COPS7A: variants seen among roughly 807,000 people sequenced by gnomAD.
COPS7A encodes the protein COP9 signalosome complex subunit 7a.
A neutral mutation model predicts 35.2 loss-of-function variants in COPS7A; 20 were observed. That is an observed-to-expected ratio of 0.57 (90% CI 0.40 to 0.83). COPS7A has a LOEUF of 0.83. COPS7A is among the 40% of genes least tolerant of loss of function. The pLI is 0.00. For synonymous variants in COPS7A, 139 were observed against 141.4 expected (o/e 0.98, Z 0.12); for missense variants, 247 against 347.5 (o/e 0.71, Z 2.30).
In COPS7A at chr12:6,724,774, G is replaced by A. The variant is rs145508491; in HGVS notation, c.118G>A (p.Val40Ile). The A allele has an allele frequency of 2.4e-5, 38 of 1,614,094 alleles. No individual in the cohort carries two copies. The highest frequency in any genetic ancestry group is 3.2e-5 in the Non-Finnish European group (38 of 1,180,054). ...CCATCAGGTGCTGGAGGCCCCTGGT[G>A]TCTACGTGTTTGGAGAACTGCTGGA... is the stretch of plus-strand genomic sequence containing the variant. ...LIHQVLEAPG[V>I]YVFGELLDMP... The change falls in exon 2 of 8, where the codon GTC becomes ATC. Residue 40 changes from valine to isoleucine, a missense_variant. Physicochemically the swap from Val to Ile is conservative, Grantham distance 29 (BLOSUM62 3). Coordinates refer to ENST00000543155, the MANE Select transcript of COPS7A (RefSeq NM_001164094.2).
At position 6,724,834 on chromosome 12, in the gene COPS7A, GA is replaced by G; in HGVS notation, c.162+18del. 1 of 1,613,582 alleles carries G rather than the reference GA, an allele frequency of 6.2e-7. No individual in the cohort carries two copies. Among genetic ancestry groups the G allele is most frequent in the South Asian group, 1.1e-5 (1 of 91,046 alleles). Reference sequence around the variant, plus strand: ...TGTTAGAGAGGTGGGTTGCTGGCTTGAATAGCCCTCAGAGAAGCGTGGGCAA... The same window carrying G: ...TGTTAGAGAGGTGGGTTGCTGGCTTGATAGCCCTCAGAGAAGCGTGGGCAA... On this transcript the variant is annotated intron_variant, in intron 2 of 7. Transcript: ENST00000543155.
intron 2 of COPS7A, chr12:6,727,648 A>C: frequency 1.7e-6 from 1 of 578,794 alleles, no homozygotes; most frequent in Non-Finnish European, 3.3e-6. Context: ...CTGAAAACTG[A>C]ATGTCTTCAA....
rs1565468245 is a variant in COPS7A, at chr12:6,729,397, C to A, written c.478C>A (p.Arg160=). The change falls in exon 5 of 8, where the codon CGG becomes AGG. Residue 160 remains arginine, a synonymous_variant. Transcript: ENST00000543155. The surrounding 1 kb of genome is among the most constrained non-coding windows in gnomAD (Gnocchi z 4.2). The part of the protein sequence containing the change: ...QRLEVDYSIG[R]DIQRQDLSAI... ...GCTCGAGGTTGACTACAGCATCGGGCGGGACATCCAGCGCCAGGACCTCAG... is the reference window on the plus strand; with the variant it reads ...GCTCGAGGTTGACTACAGCATCGGGAGGGACATCCAGCGCCAGGACCTCAG... 1 of 1,614,048 alleles carries A rather than the reference C, an allele frequency of 6.2e-7. No individual in the cohort carries two copies. The highest frequency in any genetic ancestry group is 8.5e-7 in the Non-Finnish European group (1 of 1,180,034).
intron 1 of COPS7A, 153 bp from the exon 2 acceptor site, chr12:6,724,459 CTT>C: frequency 2.9e-6 from 2 of 679,056 alleles, no homozygotes; most frequent in Non-Finnish European, 5.2e-6. Flanking sequence ...AAGTGGCTGA[CTT>C]TAGGATTCCT....
At position 6,729,354 on chromosome 12, in the gene COPS7A, G is replaced by GGACCAGCGC. The variant is rs1941335682; in HGVS notation, c.436_444dup (p.Asp146_Arg148dup). On this transcript the variant is annotated inframe_insertion, in exon 5 of 8. Coordinates refer to ENST00000543155, the MANE Select transcript of COPS7A (RefSeq NM_001164094.2). The surrounding 1 kb of genome is among the most constrained non-coding windows in gnomAD (Gnocchi z 4.2). ...ATGCTGACGTGCTTCGTGGCTCCCT[G>GGACCAGCGC]GACCAGCGCAACCAGCGGCTCGAGG... 1 of 1,614,074 alleles carries GGACCAGCGC rather than the reference G, an allele frequency of 6.2e-7. No individual in the cohort carries two copies. The highest frequency in any genetic ancestry group is 1.3e-5 in the African/African-American group (1 of 74,918).
intron 2 of COPS7A, chr12:6,725,810 G>A: frequency 2.2e-6 from 1 of 456,126 alleles, no homozygotes; most frequent in South Asian, 1.5e-5. Flanking sequence ...TAACCTTTTG[G>A]ATCACTCTGT....
intron 2 of COPS7A, among the ~76,000 whole-genome samples, chr12:6,727,494 T>G (rs1011787587): frequency 1.3e-5 from 2 of 151,880 alleles, no homozygotes; most frequent in East Asian, 1.9e-4. Context: ...TGTGCAGCTG[T>G]CAGAGATGAG....
chr12:6,729,005 G>A lies in COPS7A; in HGVS notation c.328-242G>A, dbSNP rs1226365234. On this transcript the variant is annotated intron_variant, in intron 4 of 7. Transcript: ENST00000543155. This position sits in a 1 kb window ranked among gnomAD's most constrained non-coding sequence, Gnocchi z 4.2. ...CATTTTCTCCTTCTGTGGTGTGTCA[G>A]GGGTGAGGGTGTTAGGGGAGCATTT... is the stretch of plus-strand genomic sequence containing the variant. The A allele has an allele frequency of 1.9e-6, 1 of 513,030 alleles. No individual in the cohort carries two copies. Among genetic ancestry groups the A allele is most frequent in the Non-Finnish European group, 3.5e-6 (1 of 282,766 alleles). The allele number at this position is 513,030 out of a possible 1,614,324, so 31.8% of individuals were successfully genotyped here. A position where few individuals can be genotyped will look rare whatever the true frequency, so the allele number is the denominator to read the frequency against.
chr12:6,724,646 T>A lies in COPS7A; in HGVS notation c.-11T>A, dbSNP rs759445933. ...CATCCTGAGCCCAAGTCCCCCACAC[T>A]CAGTGCAGTGATGAGTGCGGAAGTG... On this transcript the variant is annotated 5_prime_UTR_variant, in exon 2 of 8. Coordinates refer to ENST00000543155, the MANE Select transcript of COPS7A (RefSeq NM_001164094.2). 2.1e-5 allele frequency: 34 copies of A among 1,613,814 alleles called. No homozygotes were observed. The highest frequency in any genetic ancestry group is 2.6e-5 in the Non-Finnish European group (31 of 1,179,974).
At chr12:6,730,911 A>G (rs574585424) in intron 7 of COPS7A, 89 bp from the exon 8 acceptor site, 25 of 1,590,038 alleles carry the variant, frequency 1.6e-5, no homozygotes, top group Admixed American at 1.4e-4. Flanking sequence ...AGTTATTTGC[A>G]TGGGAGTAGG....
Position 6,730,984 on chromosome 12 carries a change from CTCTT to C in COPS7A, c.789-15_789-12del, listed in dbSNP as rs757644452. ...ATTCTCTCTCTCTCTCTCTTTCTCT[CTCTT>C]CTCCTTGCCAGGCTCCGAGGGAGCG... On this transcript the variant is annotated splice_polypyrimidine_tract_variant and intron_variant, in intron 7 of 7. Transcript: ENST00000543155. 1 of 1,610,818 alleles carries C rather than the reference CTCTT, an allele frequency of 6.2e-7. No homozygotes were observed. The highest frequency in any genetic ancestry group is 1.3e-5 in the African/African-American group (1 of 74,872).
At chr12:6,726,754 C>T (rs1361429148) in intron 2 of COPS7A, among the ~76,000 whole-genome samples, 1 of 151,008 alleles carries the variant, frequency 6.6e-6, no homozygotes, top group Non-Finnish European at 1.5e-5. Context: ...GTGTGAGACA[C>T]CATCTCAAAG....
rs1046974916 is a variant in COPS7A at position 6,731,771 on chromosome 12, G to T, written c.*732G>T. The T allele has an allele frequency of 6.6e-6, 1 of 151,122 alleles. No individual in the cohort carries two copies. Among genetic ancestry groups the T allele is most frequent in the Non-Finnish European group, 1.5e-5 (1 of 67,924 alleles). The allele number at this position is 151,122 out of a possible 1,614,324, so 9.4% of individuals were successfully genotyped here. A position where few individuals can be genotyped will look rare whatever the true frequency, so the allele number is the denominator to read the frequency against. On this transcript the variant is annotated 3_prime_UTR_variant, in exon 8 of 8. Coordinates refer to ENST00000543155, the MANE Select transcript of COPS7A (RefSeq NM_001164094.2). ...TTGTGAGTTTGGTGGGGAAGGGAAG[G>T]GTATATAGATTGTATTAAAAAAAAA...
chr12:6,725,419 G>A (rs1168579005), intron 2 of COPS7A, among the ~76,000 whole-genome samples: 4 of 151,998 alleles, frequency 2.6e-5, no homozygotes, highest in Non-Finnish European at 4.4e-5. Context: ...GACCTCCCAA[G>A]GTGCTGGGAT....
chr12:6,730,337 A>G (rs1229099608), intron 5 of COPS7A, 65 bp from the exon 6 acceptor site: 1 of 1,512,406 alleles, frequency 6.6e-7, no homozygotes, highest in Non-Finnish European at 9.2e-7. Context: ...TTTTTGAGTC[A>G]GTTTTCTGTG....
rs143813207 is a variant in COPS7A, at chr12:6,725,808, T to C, written c.162+990T>C. ...ATTTGGGGCCTGTGGTTTAACCTTT[T>C]GGATCACTCTGTGATATGGAGAAAA... On this transcript the variant is annotated intron_variant, in intron 2 of 7. Coordinates refer to ENST00000543155, the MANE Select transcript of COPS7A (RefSeq NM_001164094.2). 5.3e-5 allele frequency: 24 copies of C among 456,158 alleles called. No homozygotes were observed. The East Asian group carries it at 1.6e-3, about 30-fold the overall frequency. The allele number at this position is 456,158 out of a possible 1,614,324, so 28.3% of individuals were successfully genotyped here. A position where few individuals can be genotyped will look rare whatever the true frequency, so the allele number is the denominator to read the frequency against.
intron 2 of COPS7A, chr12:6,727,679 T>G (rs1374003672): frequency 4.7e-6 from 3 of 636,248 alleles, no homozygotes; most frequent in Non-Finnish European, 8.7e-6. Context: ...AGGGTAGGAA[T>G]TGGATGACGT....
rs1355671129 is a variant in COPS7A, at chr12:6,725,682, A to G, written c.162+864A>G. Reference sequence around the variant, plus strand: ...GCAAACTGCTAGGAACACAGCAGAGAGAACCGTTCACACAAAAGTGGCAGA... The same window carrying G: ...GCAAACTGCTAGGAACACAGCAGAGGGAACCGTTCACACAAAAGTGGCAGA... On this transcript the variant is annotated intron_variant, in intron 2 of 7. Transcript: ENST00000543155. 3 of 456,024 alleles carry G rather than the reference A, an allele frequency of 6.6e-6. 1 individual carries two copies. The Admixed American group carries it at 7.1e-5, about 11-fold the overall frequency. The allele number at this position is 456,024 out of a possible 1,614,324, so 28.2% of individuals were successfully genotyped here. A position where few individuals can be genotyped will look rare whatever the true frequency, so the allele number is the denominator to read the frequency against.
chr12:6,725,457 A>G (rs1379319164), intron 2 of COPS7A, among the ~76,000 whole-genome samples: 1 of 152,058 alleles, frequency 6.6e-6, no homozygotes, highest in African/African-American at 2.4e-5. Context: ...GCACCTAGCC[A>G]ACTTTCTCTT....
Sources: gnomAD v4.1 joint callset for allele counts (sites outside exome capture counted in the v4.1 genomes callset) on GRCh38, gnomAD v4.1.1 for gene constraint, Gnocchi (gnomAD v3.1) non-coding constraint, MANE v1.5 for transcripts, NCBI Gene and HGNC (gene_info 2026-07-23, HGNC 2026-07-21) for gene names.